The following SNX29 variants were observed in gnomAD, a reference collection of about 807,000 sequenced individuals.
The protein encoded by SNX29 is sorting nexin-29.
A neutral mutation model predicts 102.1 loss-of-function variants in SNX29; 78 were observed. The observed-to-expected ratio is 0.76, with a 90% CI of 0.64 to 0.92. The LOEUF is 0.92. SNX29 is among the 40% of genes least tolerant of loss of function. SNX29 has a pLI of 0.00. For synonymous variants in SNX29, 580 were observed against 414.5 expected (o/e 1.40, Z -4.85); for missense variants, 1,280 against 1,061.7 (o/e 1.21, Z -2.86).
chr16:12,065,557 C>T (rs906877282), intron 9 of SNX29, among the ~76,000 whole-genome samples: 2 of 152,194 alleles, frequency 1.3e-5, no homozygotes, highest in Non-Finnish European at 2.9e-5. Context: ...CTTGTCCTCA[C>T]GTTGGATCTT....
chr16:12,084,941 G>A (rs1009173865), intron 11 of SNX29, among the ~76,000 whole-genome samples: 2 of 152,048 alleles, frequency 1.3e-5, no homozygotes, highest in Non-Finnish European at 2.9e-5. Flanking sequence ...ATGGTGGTGC[G>A]TACCTGTATT....
In SNX29 at chr16:12,570,417, C is replaced by A; in HGVS notation, c.*1788C>A. 3.8e-6 allele frequency: 1 copy of A among 261,426 alleles called. No individual in the cohort carries two copies. Among genetic ancestry groups the A allele is most frequent in the Non-Finnish European group, 6.9e-6 (1 of 144,006 alleles). The allele number at this position is 261,426 out of a possible 1,614,324, so 16.2% of individuals were successfully genotyped here. ...CCAGAGTGCACATCAGCTCACATGACTGGCAACTCTAAATAGAGAGCCCTA... is the reference window on the plus strand; with the variant it reads ...CCAGAGTGCACATCAGCTCACATGAATGGCAACTCTAAATAGAGAGCCCTA... On this transcript the variant is annotated 3_prime_UTR_variant, in exon 21 of 21. Transcript: ENST00000566228.
At chr16:12,226,118 A>G (rs1259060262) in intron 14 of SNX29, among the ~76,000 whole-genome samples, 1 of 152,248 alleles carries the variant, frequency 6.6e-6, no homozygotes, top group Non-Finnish European at 1.5e-5. Flanking sequence ...TCGAACTTAC[A>G]TCATCTGAAG....
chr16:12,269,923 C>T (rs1176122555), intron 14 of SNX29, among the ~76,000 whole-genome samples: 2 of 151,824 alleles, frequency 1.3e-5, no homozygotes, highest in Non-Finnish European at 1.5e-5. Context: ...TGCAGTGGTG[C>T]GATCTTGGGT....
Position 12,571,652 on chromosome 16 carries a change from CAG to C in SNX29, c.*3024_*3025del. On this transcript the variant is annotated 3_prime_UTR_variant, in exon 21 of 21. Transcript: ENST00000566228. ...TTTCTCCCCCAGATGAAAGACGACT[CAG>C]GAACGGTAGGGCTGGGCAGAGGTGT... is the stretch of plus-strand genomic sequence containing the variant. 1.9e-6 allele frequency: 2 copies of C among 1,059,388 alleles called. No individual in the cohort carries two copies. The highest frequency in any genetic ancestry group is 2.3e-6 in the Non-Finnish European group (2 of 875,728). 65.6% of individuals were successfully genotyped at this position (1,059,388 alleles called of 1,614,324 possible). A position where few individuals can be genotyped will look rare whatever the true frequency, so the allele number is the denominator to read the frequency against.
At chr16:12,561,195 C>T (rs189313623) in intron 20 of SNX29, 51 of 230,592 alleles carry the variant, frequency 2.2e-4, no homozygotes, top group African/African-American at 1.1e-3. Flanking sequence ...CTGATACTGC[C>T]CATCAGGACC....
intron 14 of SNX29, among the ~76,000 whole-genome samples, chr16:12,275,401 A>C (rs2079213715): frequency 6.6e-6 from 1 of 152,238 alleles, no homozygotes. Context: ...GTCCAGACCT[A>C]CTGCGTTTTC....
At chr16:12,137,200 A>G (rs2054695989) in intron 13 of SNX29, among the ~76,000 whole-genome samples, 3 of 152,212 alleles carry the variant, frequency 2.0e-5, no homozygotes, top group Admixed American at 2.0e-4. Context: ...GAGGCTCCTA[A>G]GCACTCAGCA....
rs895197046 is a variant in SNX29 at position 12,562,350 on chromosome 16, C to G, written c.2319-6156C>G. ...GCAGGGCAGATTCTGTGATTTCCCC[C>G]TTTATTTTTGCTTGCACCATTTTTT... On this transcript the variant is annotated intron_variant, in intron 20 of 20. Transcript: ENST00000566228. 2.6e-5 allele frequency among the ~76,000 whole-genome samples: 4 copies of G among 151,206 alleles called. No homozygotes were observed. The East Asian group carries it at 5.9e-4, about 22-fold the overall frequency.
At chr16:12,559,557 A>G (rs564358938) in intron 20 of SNX29, among the ~76,000 whole-genome samples, 3 of 151,866 alleles carry the variant, frequency 2.0e-5, no homozygotes, top group African/African-American at 7.2e-5. Context: ...TCTGTGGAAA[A>G]TTTTTCTTAT....
chr16:12,079,643 G>A (rs1288399691), intron 11 of SNX29, among the ~76,000 whole-genome samples: 1 of 152,174 alleles, frequency 6.6e-6, no homozygotes, highest in African/African-American at 2.4e-5. Context: ...TTTATTTTTT[G>A]TACACAAAGC....
At chr16:12,539,760 A>G (rs868558126) in intron 20 of SNX29, among the ~76,000 whole-genome samples, 4 of 152,298 alleles carry the variant, frequency 2.6e-5, no homozygotes, top group African/African-American at 9.6e-5. Context: ...TCATGGTCTT[A>G]ATTTGCATTT....
intron 16 of SNX29, among the ~76,000 whole-genome samples, chr16:12,398,167 C>A (rs767006259): frequency 9.8e-5 from 15 of 152,290 alleles, no homozygotes; most frequent in Non-Finnish European, 1.8e-4. Context: ...TCCAAAATTA[C>A]ATGCTCTTAC....
chr16:12,553,281 GTAAGAGGAAAA>G, intron 20 of SNX29, among the ~76,000 whole-genome samples: 1 of 152,358 alleles, frequency 6.6e-6, no homozygotes, highest in Middle Eastern at 3.4e-3. Flanking sequence ...GGGGCACAGA[GTAAGAGGAAAA>G]TGAGTGGGCA....
chr16:12,325,210 C>G (rs1405238150), intron 15 of SNX29, among the ~76,000 whole-genome samples: 5 of 152,162 alleles, frequency 3.3e-5, no homozygotes, highest in African/African-American at 1.2e-4. Flanking sequence ...TATAGCCCTT[C>G]CAGTGTGACC....
chr16:12,419,573 C>CCAA (rs879933721), intron 18 of SNX29, among the ~76,000 whole-genome samples: 70 of 149,250 alleles, frequency 4.7e-4, no homozygotes, highest in African/African-American at 1.6e-3. Flanking sequence ...CCCCCCCCCC[C>CCAA]ATCTTTCTGT....
chr16:12,382,326 T>G (rs2083197042), intron 16 of SNX29, among the ~76,000 whole-genome samples: 1 of 152,192 alleles, frequency 6.6e-6, no homozygotes, highest in South Asian at 2.1e-4. Context: ...CCTTGCTCCG[T>G]CGGACCCCAC....
intron 3 of SNX29, among the ~76,000 whole-genome samples, chr16:12,024,999 C>G (rs901476561): frequency 3.9e-5 from 6 of 151,906 alleles, no homozygotes; most frequent in African/African-American, 1.5e-4. Context: ...TTTCAGGAAG[C>G]CTTAAAATAT....
At chr16:12,046,659 G>A (rs1199411427) in intron 6 of SNX29, among the ~76,000 whole-genome samples, 1 of 152,192 alleles carries the variant, frequency 6.6e-6, no homozygotes, top group African/African-American at 2.4e-5. Context: ...TCACTCTGTT[G>A]CCCAGGCTGG....
Sources: gnomAD v4.1 joint callset for allele counts (sites outside exome capture counted in the v4.1 genomes callset) on GRCh38, gnomAD v4.1.1 for gene constraint, MANE v1.5 for transcripts, NCBI Gene and HGNC (gene_info 2026-07-23, HGNC 2026-07-21) for gene names.